Variants in DSC2 observed in about 807,000 individuals in gnomAD.
DSC2 encodes desmocollin-2.
A neutral mutation model predicts 87.6 loss-of-function variants in DSC2; 51 were observed. The ratio of observed to expected loss-of-function variants is 0.58; its 90% CI spans 0.46 to 0.74. The LOEUF is 0.74. Ranked by LOEUF, DSC2 falls within the 30% of genes least tolerant of loss-of-function variation. The probability of loss-of-function intolerance (pLI) is 0.00; values close to 1 mark genes in which losing one functional copy is unlikely to be tolerated. For synonymous variants in DSC2, 383 were observed against 393.2 expected, an observed-to-expected ratio of 0.97 and a Z score of 0.31; for missense variants, 1,066 against 1,089.5, an observed-to-expected ratio of 0.98 and a Z score of 0.30.
chr18:31,093,421 G>A (rs1987664558), intron 2 of DSC2, 138 bp downstream of exon 2: 1 of 555,820 alleles, frequency 1.8e-6, no homozygotes, highest in Non-Finnish European at 3.3e-6. Context: ...TTAGTTTGCT[G>A]AGAATAATTG....
intron 14 of DSC2, among the ~76,000 whole-genome samples, chr18:31,069,571 T>A (rs1321051507): frequency 6.6e-6 from 1 of 151,866 alleles, no homozygotes; most frequent in African/African-American, 2.4e-5. Context: ...AAAAATCAGC[T>A]GGGCATGGTA....
chr18:31,081,451 G>C (rs1215077493), intron 9 of DSC2, among the ~76,000 whole-genome samples: 1 of 152,120 alleles, frequency 6.6e-6, no homozygotes, highest in African/African-American at 2.4e-5. Flanking sequence ...TAGGGGAGGG[G>C]TTAGGTGAAG....
chr18:31,068,461 T>G, intron 15 of DSC2: 1 of 1,078,560 alleles, frequency 9.3e-7, no homozygotes, highest in Admixed American at 1.9e-5. Flanking sequence ...TCATTTTACA[T>G]AGTCACTACT....
In DSC2 at chr18:31,096,293, C is replaced by A. The variant is rs533406649; in HGVS notation, c.70-2650G>T. On this transcript the variant is annotated intron_variant, in intron 1 of 15. Transcript: ENST00000280904. ...ATCAAAGAGCTAACAAAATAGCAAGCAATTGCTAGGCCAAAACTGAAGATA... is the reference window on the plus strand; with the variant it reads ...ATCAAAGAGCTAACAAAATAGCAAGAAATTGCTAGGCCAAAACTGAAGATA... 7.9e-5 allele frequency among the ~76,000 whole-genome samples: 12 copies of A among 152,238 alleles called. No individual in the cohort carries two copies. The East Asian group carries it at 2.1e-3, about 27-fold the overall frequency.
rs1417867104 is a variant in DSC2, at chr18:31,082,296, C to A, written c.1205G>T (p.Gly402Val). 6 of 1,613,572 alleles carry A rather than the reference C, an allele frequency of 3.7e-6. No homozygotes were observed. The African/African-American group carries it at 8.0e-5, about 22-fold the overall frequency. Residue 402 changes from glycine to valine, a missense_variant, in exon 9 of 16, where the codon GGC becomes GTC. Transcript: ENST00000280904. Reference protein sequence around the residue: ...NYTILKGNENGNFKIVTDAKT... With the variant: ...NYTILKGNENVNFKIVTDAKT... ...GGCATCTGTTACAATTTTAAAATTG[C>A]CATTTTCATTGCCCTTTAAAATGGT...
rs752691135 is a variant in DSC2 at position 31,070,825 on chromosome 18, C to G, written c.2151G>C (p.Gly717=). The part of the protein sequence containing the change: ...LFCILFTLVC[G]ASGTSKQPKV... ...TTGGTTGTTTAGACGTCCCAGAAGC[C>G]CCACAGACCAGCGTAAACAGGATGC... The change falls in exon 14 of 16, where the codon GGG becomes GGC. Residue 717 remains glycine, a synonymous_variant. Transcript: ENST00000280904. 8.1e-6 allele frequency: 13 copies of G among 1,613,534 alleles called. No homozygotes were observed. In the African/African-American group the frequency reaches 1.7e-4, roughly 22 times the overall value.
At position 31,067,802 on chromosome 18, in the gene DSC2, A is replaced by T. The variant is rs988972480; in HGVS notation, c.*213T>A. On this transcript the variant is annotated 3_prime_UTR_variant, in exon 16 of 16. Transcript: ENST00000280904. ...TTCTCTGTAGACCTCCTTGGATAGA[A>T]GATAAGTAATTTAAAAATATGTAAA... The T allele has an allele frequency of 1.8e-6, 1 of 547,838 alleles. No homozygotes were observed. The highest frequency in any genetic ancestry group is 1.9e-5 in the African/African-American group (1 of 52,884). 33.9% of individuals were successfully genotyped at this position (547,838 alleles called of 1,614,324 possible).
chr18:31,067,846 CT>C lies in DSC2; in HGVS notation c.*168del, dbSNP rs1986676121. On this transcript the variant is annotated 3_prime_UTR_variant, in exon 16 of 16. Coordinates refer to ENST00000280904, the MANE Select transcript of DSC2 (RefSeq NM_024422.6). The stretch of plus-strand genomic sequence containing the variant: ...ATGTAAAAATTGAAAAATTTGTGTA[CT>C]TGTTTATAGTGTCTCTCTGTAAATG... 1 of 633,182 alleles carries C rather than the reference CT, an allele frequency of 1.6e-6. No individual in the cohort carries two copies. The highest frequency in any genetic ancestry group is 3.0e-5 in the Admixed American group (1 of 32,974). The allele number at this position is 633,182 out of a possible 1,614,324, so 39.2% of individuals were successfully genotyped here. A position where few individuals can be genotyped will look rare whatever the true frequency, so the allele number is the denominator to read the frequency against.
rs201399183 is a variant in DSC2, at chr18:31,100,882, C to A, written c.69+1021G>T. On this transcript the variant is annotated intron_variant, in intron 1 of 15. Coordinates refer to ENST00000280904, the MANE Select transcript of DSC2 (RefSeq NM_024422.6). ...AAAGTCCAATCGGACTTTTTATATC[C>A]CCAATTCCCCAGACGCTGCTCCCGG... Among the ~76,000 whole-genome samples the A allele has an allele frequency of 3.9e-5, 6 of 152,160 alleles. No homozygotes were observed. In the East Asian group the frequency reaches 1.2e-3, roughly 29 times the overall value.
intron 7 of DSC2, 44 bp from the exon 8 acceptor site, chr18:31,083,104 C>A (rs763969151): frequency 1.9e-6 from 3 of 1,591,284 alleles, no homozygotes; most frequent in Non-Finnish European, 2.6e-6. Context: ...AAAGCACCAA[C>A]ATTATAATTG....
chr18:31,078,972 AGT>A (rs1567976186), intron 11 of DSC2, among the ~76,000 whole-genome samples: 2 of 152,138 alleles, frequency 1.3e-5, no homozygotes, highest in South Asian at 2.1e-4. Flanking sequence ...ATGAATTCAT[AGT>A]GTTTGTCTCT....
Position 31,082,420 on chromosome 18 carries a change from C to T in DSC2, c.1081G>A (p.Val361Met), listed in dbSNP as rs751810874. 19 of 1,612,794 alleles carry T rather than the reference C, an allele frequency of 1.2e-5. No individual in the cohort carries two copies. The South Asian group carries it at 1.8e-4, about 15-fold the overall frequency. ...HLPTFTRTSY[V>M]TSVEENTVDV... is the part of the protein sequence containing the mutation. ...ACTGTATTTTCTTCCACTGATGTCA[C>T]ATACTAAAATAATAAAAGCAAACAA... The change falls in exon 9 of 16, where the codon GTG (valine) becomes ATG (methionine). Residue 361 changes from valine (V) to methionine (M), a missense_variant. Coordinates refer to ENST00000280904, the MANE Select transcript of DSC2 (RefSeq NM_024422.6).
chr18:31,092,239 T>C lies in DSC2; in HGVS notation c.216A>G (p.Gln72=), dbSNP rs767293228. The C allele has an allele frequency of 3.1e-6, 5 of 1,613,808 alleles. 1 individual carries two copies. The highest frequency in any genetic ancestry group is 8.5e-7 in the Non-Finnish European group (1 of 1,179,846). Residue 72 remains glutamine, a synonymous_variant, in exon 3 of 16, where the codon CAA becomes CAG. Transcript: ENST00000280904. Reference sequence around the variant, plus strand: ...TATAGACTGAACCATCCTCCAAAATTTGGAAGTCAGGATCACTTGAATGAA... The same window carrying C: ...TATAGACTGAACCATCCTCCAAAATCTGGAAGTCAGGATCACTTGAATGAA... ...NLIHSSDPDF[Q]ILEDGSVYTT... is the part of the protein sequence containing the mutation.
chr18:31,084,415 T>C (rs1987328415), intron 7 of DSC2, among the ~76,000 whole-genome samples: 1 of 152,164 alleles, frequency 6.6e-6, no homozygotes, highest in East Asian at 1.9e-4. Flanking sequence ...GAAATGAAGT[T>C]TGATACCCTA....
At chr18:31,099,630 G>C (rs544580412) in intron 1 of DSC2, among the ~76,000 whole-genome samples, 5 of 152,024 alleles carry the variant, frequency 3.3e-5, no homozygotes, top group African/African-American at 9.7e-5. Flanking sequence ...TCAAGAATAA[G>C]GGCAAAAGCT....
intron 2 of DSC2, 135 bp from the exon 3 acceptor site, chr18:31,092,435 A>G (rs1364026027): frequency 1.3e-5 from 9 of 712,468 alleles, no homozygotes; most frequent in Non-Finnish European, 2.2e-5. Flanking sequence ...GAAAGGACAC[A>G]TAAAACTATA....
At chr18:31,098,267 G>A (rs1305452485) in intron 1 of DSC2, among the ~76,000 whole-genome samples, 3 of 152,090 alleles carry the variant, frequency 2.0e-5, no homozygotes, top group Admixed American at 2.0e-4. Context: ...TCTATTATCT[G>A]TAGGGAAACA....
Position 31,069,123 on chromosome 18 carries a change from G to C in DSC2, c.2279C>G (p.Thr760Ser), listed in dbSNP as rs1331111206. The change falls in exon 15 of 16, where the codon ACT becomes AGT. Residue 760 changes from threonine (T) to serine (S), a missense_variant. Thr to Ser is a moderately conservative substitution (Grantham distance 58). Coordinates refer to ENST00000280904, the MANE Select transcript of DSC2 (RefSeq NM_024422.6). ...AACTCCCTGAGCAGAAGCGCCCACAGTTTGGGTTGTGAAGCCATTCGCAGA... is the reference window on the plus strand; with the variant it reads ...AACTCCCTGAGCAGAAGCGCCCACACTTTGGGTTGTGAAGCCATTCGCAGA... ...VYSANGFTTQ[T>S]VGASAQGVCG... 9 of 1,614,134 alleles carry C rather than the reference G, an allele frequency of 5.6e-6. No homozygotes were observed. The highest frequency in any genetic ancestry group is 7.6e-6 in the Non-Finnish European group (9 of 1,179,998).
intron 9 of DSC2, among the ~76,000 whole-genome samples, chr18:31,081,874 T>A (rs1051710018): frequency 6.6e-6 from 1 of 152,102 alleles, no homozygotes; most frequent in Non-Finnish European, 1.5e-5. Context: ...CAAGAGTAAC[T>A]CTTGATTTGG....
Sources: allele counts gnomAD v4.1 joint callset (sites outside exome capture counted in the v4.1 genomes callset), GRCh38; gene constraint gnomAD v4.1.1; transcripts MANE v1.5; gene names NCBI Gene and HGNC (gene_info 2026-07-23, HGNC 2026-07-21).